HEPHL1: variants seen among roughly 807,000 people sequenced by gnomAD.
The protein encoded by HEPHL1 is hephaestin like 1.
In HEPHL1, 123 loss-of-function variants were observed where a neutral mutation model predicts 122.0. The ratio of observed to expected loss-of-function variants is 1.01; its 90% CI spans 0.87 to 1.17. The LOEUF (loss-of-function observed/expected upper bound fraction) is 1.17. Among genes scored for constraint, HEPHL1 ranks in the 50% most tolerant of loss-of-function variants. The probability of loss-of-function intolerance (pLI) is 0.00; values close to 1 mark genes in which losing one functional copy is unlikely to be tolerated. For synonymous variants in HEPHL1, 527 were observed against 508.9 expected, an observed-to-expected ratio of 1.04 and a Z score of -0.48; for missense variants, 1,452 against 1,430.5, an observed-to-expected ratio of 1.01 and a Z score of -0.24.
intron 2 of HEPHL1, among the ~76,000 whole-genome samples, chr11:94,047,400 C>T (rs1010075737): frequency 2.6e-5 from 4 of 151,782 alleles, no homozygotes; most frequent in Admixed American, 2.6e-4. Context: ...TGTTGTTCCC[C>T]TCTATGTTTC....
chr11:94,021,738 T>A (rs1945584312), intron 1 of HEPHL1, among the ~76,000 whole-genome samples, 200 bp downstream of exon 1: 1 of 152,216 alleles, frequency 6.6e-6, no homozygotes. Context: ...CATGTATTTG[T>A]TGAGCCACCT....
At position 94,112,266 on chromosome 11, in the gene HEPHL1, C is replaced by A. The variant is rs1260944418; in HGVS notation, c.*372C>A. The A allele has an allele frequency of 1.3e-5, 2 of 159,992 alleles. No homozygotes were observed. Among genetic ancestry groups the A allele is most frequent in the Admixed American group, 1.3e-4 (2 of 15,448 alleles). 9.9% of individuals were successfully genotyped at this position (159,992 alleles called of 1,614,324 possible). A position where few individuals can be genotyped will look rare whatever the true frequency, so the allele number is the denominator to read the frequency against. On this transcript the variant is annotated 3_prime_UTR_variant, in exon 20 of 20. Transcript: ENST00000315765. ...CTAACCACCAAAGTTTCTAGGTGAA[C>A]AGCTTCTAGAAAAAGTTAGAGTGCC...
Position 94,111,925 on chromosome 11 carries a change from G to A in HEPHL1, c.*31G>A. 4.8e-6 allele frequency: 7 copies of A among 1,466,036 alleles called. No individual in the cohort carries two copies. The highest frequency in any genetic ancestry group is 1.4e-5 in the African/African-American group (1 of 70,750). 90.8% of individuals were successfully genotyped at this position (1,466,036 alleles called of 1,614,324 possible). A position where few individuals can be genotyped will look rare whatever the true frequency, so the allele number is the denominator to read the frequency against. On this transcript the variant is annotated 3_prime_UTR_variant, in exon 20 of 20. Transcript: ENST00000315765. Reference sequence around the variant, plus strand: ...CTGGTCTCCCTCAACAGGAAAGGGTGATGTCCCACAGCTGGCCAGATGGCA... The same window carrying A: ...CTGGTCTCCCTCAACAGGAAAGGGTAATGTCCCACAGCTGGCCAGATGGCA...
At chr11:94,068,325 T>G (rs1164695692) in intron 5 of HEPHL1, among the ~76,000 whole-genome samples, 1 of 152,204 alleles carries the variant, frequency 6.6e-6, no homozygotes, top group African/African-American at 2.4e-5. Context: ...AATTTCGTTT[T>G]GAACATCTCT....
intron 5 of HEPHL1, 115 bp from the exon 6 acceptor site, chr11:94,070,259 C>A: frequency 1.1e-5 from 11 of 1,001,248 alleles, no homozygotes; most frequent in African/African-American, 1.6e-5. Flanking sequence ...TCTTTATGGT[C>A]CAATTTTCTG....
At chr11:94,064,218 C>A in intron 3 of HEPHL1, 113 bp from the exon 4 acceptor site, 1 of 680,750 alleles carries the variant, frequency 1.5e-6, no homozygotes. Context: ...GGTGGGTTAT[C>A]CTTGTAGGTA....
At chr11:94,045,967 A>G (rs917398100) in intron 2 of HEPHL1, 50 bp downstream of exon 2, 5 of 1,564,406 alleles carry the variant, frequency 3.2e-6, no homozygotes. Flanking sequence ...TTCATAAGTA[A>G]GGTAACTGTC....
At chr11:94,055,211 T>G (rs1464843670) in intron 2 of HEPHL1, 1 of 265,068 alleles carries the variant, frequency 3.8e-6, no homozygotes, top group Non-Finnish European at 7.6e-6. Flanking sequence ...GCAGAGATGA[T>G]GGCCACCTTT....
At chr11:94,093,057 T>C (rs921787510) in intron 12 of HEPHL1, among the ~76,000 whole-genome samples, 1 of 151,976 alleles carries the variant, frequency 6.6e-6, no homozygotes, top group East Asian at 1.9e-4. Context: ...GAAAGATGCA[T>C]ATGAAATCTG....
In HEPHL1 at chr11:94,111,634, A is replaced by G. The variant is rs368484433; in HGVS notation, c.3277+29A>G. 32 of 1,607,622 alleles carry G rather than the reference A, an allele frequency of 2.0e-5. No individual in the cohort carries two copies. The Middle Eastern group carries it at 9.9e-4, about 50-fold the overall frequency. On this transcript the variant is annotated intron_variant, in intron 19 of 19. Transcript: ENST00000315765. ...ATGATACCCTCTCCCCATGTAAATG[A>G]GTCAACATTTCACCCCTCAAAAATG...
intron 6 of HEPHL1, 65 bp from the exon 7 acceptor site, chr11:94,072,960 T>C (rs2134433609): frequency 6.8e-7 from 1 of 1,475,234 alleles, no homozygotes; most frequent in South Asian, 1.2e-5. Flanking sequence ...AATGAAGTTC[T>C]ATAATTAAAG....
intron 1 of HEPHL1, among the ~76,000 whole-genome samples, chr11:94,029,678 T>C (rs971332564): frequency 6.6e-6 from 1 of 151,970 alleles, no homozygotes; most frequent in African/African-American, 2.4e-5. Flanking sequence ...GAAAACCCAA[T>C]CCCCCCTTGG....
At position 94,067,568 on chromosome 11, in the gene HEPHL1, T is replaced by C. The variant is rs1946044436; in HGVS notation, c.881T>C (p.Leu294Pro). 6.2e-7 allele frequency: 1 copy of C among 1,613,648 alleles called. No individual in the cohort carries two copies. Among genetic ancestry groups the C allele is most frequent in the Non-Finnish European group, 8.5e-7 (1 of 1,179,602 alleles). ...MCVGESVSWH[L>P]FGMGNEIDIH... ...GTTGGAGAATCTGTGTCCTGGCACCTATTTGGAATGGGGAATGAAATAGAC... is the reference window on the plus strand; with the variant it reads ...GTTGGAGAATCTGTGTCCTGGCACCCATTTGGAATGGGGAATGAAATAGAC... Residue 294 changes from leucine (L) to proline (P), a missense_variant, in exon 5 of 20, where the codon CTA (leucine) becomes CCA (proline). Physicochemically the swap from Leu to Pro is moderately conservative, Grantham distance 98. Transcript: ENST00000315765.
At chr11:94,089,751 G>A (rs1017093706) in intron 12 of HEPHL1, among the ~76,000 whole-genome samples, 2 of 152,206 alleles carry the variant, frequency 1.3e-5, no homozygotes, top group African/African-American at 4.8e-5. Flanking sequence ...TGGTATTACT[G>A]TTCTGATATG....
At chr11:94,031,803 G>T (rs1945678154) in intron 1 of HEPHL1, among the ~76,000 whole-genome samples, 1 of 152,188 alleles carries the variant, frequency 6.6e-6, no homozygotes, top group South Asian at 2.1e-4. Flanking sequence ...GGTGGGATAG[G>T]GTTAACCCTG....
At chr11:94,073,972 C>T (rs564454604) in intron 8 of HEPHL1, among the ~76,000 whole-genome samples, 1 of 152,242 alleles carries the variant, frequency 6.6e-6, no homozygotes, top group Admixed American at 6.5e-5. Flanking sequence ...GGCATAGGTT[C>T]TCTAAATGTA....
intron 5 of HEPHL1, among the ~76,000 whole-genome samples, chr11:94,069,452 A>G (rs1356044864): frequency 1.3e-5 from 2 of 152,124 alleles, no homozygotes; most frequent in African/African-American, 4.8e-5. Context: ...CAGTAGTTCC[A>G]TAATAGAAAT....
chr11:94,071,366 C>T (rs923305201), intron 6 of HEPHL1, among the ~76,000 whole-genome samples: 7 of 152,128 alleles, frequency 4.6e-5, no homozygotes, highest in African/African-American at 1.7e-4. Flanking sequence ...TTCATACTTT[C>T]ACTCATTATT....
At chr11:94,082,682 C>A (rs1946181464) in intron 10 of HEPHL1, 114 bp downstream of exon 10, 1 of 946,906 alleles carries the variant, frequency 1.1e-6, no homozygotes. Context: ...TGTTCTTGGT[C>A]ATGAGTAAGT....
Sources: gnomAD v4.1 joint callset for allele counts (sites outside exome capture counted in the v4.1 genomes callset) on GRCh38, gnomAD v4.1.1 for gene constraint, MANE v1.5 for transcripts, NCBI Gene and HGNC (gene_info 2026-07-23, HGNC 2026-07-21) for gene names.